The following PKHD1L1 variants were observed in gnomAD, a reference collection of about 807,000 sequenced individuals.
PKHD1L1 encodes fibrocystin-L.
Under a neutral mutation model 462.9 loss-of-function variants are expected in PKHD1L1, and 434 were observed. The observed-to-expected ratio is 0.94, with a 90% CI of 0.87 to 1.02. The LOEUF (loss-of-function observed/expected upper bound fraction) is 1.02. Among genes scored for constraint, PKHD1L1 ranks in the 50% least tolerant of loss-of-function variants. The probability of loss-of-function intolerance (pLI) is 0.00; values close to 1 mark genes in which losing one functional copy is unlikely to be tolerated. For missense variants in PKHD1L1, 5,202 were observed against 5,096.1 expected, an observed-to-expected ratio of 1.02 and a Z score of -0.63; for synonymous variants, 1,781 against 1,750.0, an observed-to-expected ratio of 1.02 and a Z score of -0.44.
chr8:109,513,293 T>C (rs1481777992), intron 71 of PKHD1L1, among the ~76,000 whole-genome samples: 1 of 152,174 alleles, frequency 6.6e-6, no homozygotes, highest in East Asian at 1.9e-4. Context: ...AAGGGAATGC[T>C]TCCAGTTTTT....
intron 59 of PKHD1L1, 68 bp downstream of exon 59, chr8:109,486,889 C>G (rs995706830): frequency 2.2e-6 from 3 of 1,382,438 alleles, no homozygotes; most frequent in East Asian, 2.5e-5. Flanking sequence ...GTAGTCAGCT[C>G]TTACATAATT....
intron 57 of PKHD1L1, among the ~76,000 whole-genome samples, chr8:109,484,523 C>A (rs528876514): frequency 5.3e-5 from 8 of 151,832 alleles, no homozygotes; most frequent in Non-Finnish European, 1.0e-4. Context: ...ATTGAATATT[C>A]CAGAGATGGT....
rs547689357 is a variant in PKHD1L1, at chr8:109,388,387, G to C, written c.570-110G>C. 4.0e-6 allele frequency: 3 copies of C among 746,200 alleles called. No homozygotes were observed. The African/African-American group carries it at 5.4e-5, about 13-fold the overall frequency. 46.2% of individuals were successfully genotyped at this position (746,200 alleles called of 1,614,324 possible). On this transcript the variant is annotated intron_variant, in intron 6 of 77. Transcript: ENST00000378402. ...ATGCATGAGTGAGGGATAATAATAAGTGATTGAGAAAAAAAATTTAAGGGA... is the reference window on the plus strand; with the variant it reads ...ATGCATGAGTGAGGGATAATAATAACTGATTGAGAAAAAAAATTTAAGGGA...
intron 2 of PKHD1L1, among the ~76,000 whole-genome samples, chr8:109,368,633 A>G (rs1811344201): frequency 6.6e-6 from 1 of 152,160 alleles, no homozygotes; most frequent in Non-Finnish European, 1.5e-5. Flanking sequence ...TACAACTTTT[A>G]AGTAGGTGAA....
chr8:109,456,537 G>A (rs1816837056), intron 46 of PKHD1L1, 146 bp downstream of exon 46: 3 of 744,592 alleles, frequency 4.0e-6, no homozygotes, highest in East Asian at 3.0e-5. Context: ...ATACAGATTT[G>A]CCAAGTGTTA....
chr8:109,457,316 G>T (rs953083435), intron 46 of PKHD1L1, among the ~76,000 whole-genome samples: 1 of 152,092 alleles, frequency 6.6e-6, no homozygotes, highest in African/African-American at 2.4e-5. Flanking sequence ...ATTTTGTTCT[G>T]CCCTTGGAAG....
intron 41 of PKHD1L1, 48 bp from the exon 42 acceptor site, chr8:109,452,076 A>G (rs1357368884): frequency 6.4e-7 from 1 of 1,551,430 alleles, no homozygotes; most frequent in East Asian, 2.4e-5. Flanking sequence ...AGTGTGATCT[A>G]GATATTTGAG....
rs770963653 is a variant in PKHD1L1 at position 109,534,226 on chromosome 8, G to C, written c.*4136G>C. Among the ~76,000 whole-genome samples the C allele has an allele frequency of 6.6e-6, 1 of 152,236 alleles. No individual in the cohort carries two copies. Among genetic ancestry groups the C allele is most frequent in the Non-Finnish European group, 1.5e-5 (1 of 68,032 alleles). On this transcript the variant is annotated 3_prime_UTR_variant, in exon 78 of 78. Coordinates refer to ENST00000378402, the MANE Select transcript of PKHD1L1 (RefSeq NM_177531.6). ...GCCTGTAATCCCAGCACTCTGGGAG[G>C]CCAAGGCAGGCGGATCACGAGGTCA...
chr8:109,536,538 C>T lies in PKHD1L1; in HGVS notation c.*6448C>T, dbSNP rs1344527849. On this transcript the variant is annotated 3_prime_UTR_variant, in exon 78 of 78. Coordinates refer to ENST00000378402, the MANE Select transcript of PKHD1L1 (RefSeq NM_177531.6). ...CCAGATGCTGTTCCCATCAACTCTACTTAATTCATAATATAGCTGAACTCT... is the reference window on the plus strand; with the variant it reads ...CCAGATGCTGTTCCCATCAACTCTATTTAATTCATAATATAGCTGAACTCT... 1.3e-5 allele frequency among the ~76,000 whole-genome samples: 2 copies of T among 152,342 alleles called. No homozygotes were observed. Among genetic ancestry groups the T allele is most frequent in the South Asian group, 2.1e-4 (1 of 4,832 alleles).
chr8:109,485,044 G>A lies in PKHD1L1; in HGVS notation c.9577G>A (p.Glu3193Lys). The A allele has an allele frequency of 6.3e-7, 1 of 1,576,734 alleles. No homozygotes were observed. The change falls in exon 58 of 78, where the codon GAG becomes AAG. Residue 3193 changes from glutamate (E) to lysine (K), a missense_variant and splice_region_variant. Coordinates refer to ENST00000378402, the MANE Select transcript of PKHD1L1 (RefSeq NM_177531.6). ...AATTTGGCACTTGAATTTTTCTAAG[G>A]AGGGAGAAGAGATTGTGATAACAAC... ...LSLMDAVDWQ[E>K]GEEIVITTTS...
At chr8:109,519,237 A>T (rs1336330053) in intron 73 of PKHD1L1, among the ~76,000 whole-genome samples, 11 of 151,940 alleles carry the variant, frequency 7.2e-5, no homozygotes, top group Admixed American at 4.6e-4. Flanking sequence ...TATCAGAGAT[A>T]AAAAAATAAG....
In PKHD1L1 at chr8:109,466,623, C is replaced by T. The variant is rs771463229; in HGVS notation, c.8459C>T (p.Pro2820Leu). 6.2e-6 allele frequency: 10 copies of T among 1,610,260 alleles called. No homozygotes were observed. The South Asian group carries it at 6.7e-5, about 11-fold the overall frequency. ...TVIPHSSLLDPSHCTQEAEWS... is the reference protein window; with the variant it reads ...TVIPHSSLLDLSHCTQEAEWS... ...ATTCCACACAGCTCATTGCTAGACC[C>T]TTCTCATTGTACTCAGGAAGCTGAG... The change falls in exon 50 of 78, where the codon CCT (proline) becomes CTT (leucine). Residue 2820 changes from proline (P) to leucine (L), a missense_variant. By Grantham distance (98) the Pro-to-Leu change is moderately conservative. Coordinates refer to ENST00000378402, the MANE Select transcript of PKHD1L1 (RefSeq NM_177531.6).
At position 109,390,514 on chromosome 8, in the gene PKHD1L1, A is replaced by G; in HGVS notation, c.740+20A>G. ...TGGAAGGTAGGCTATTTTGTAAATAATAACTTTTATAATTGATTCAACAGG... is the reference window on the plus strand; with the variant it reads ...TGGAAGGTAGGCTATTTTGTAAATAGTAACTTTTATAATTGATTCAACAGG... On this transcript the variant is annotated intron_variant, in intron 9 of 77. Transcript: ENST00000378402. The G allele has an allele frequency of 3.8e-6, 5 of 1,303,268 alleles. No individual in the cohort carries two copies. Among genetic ancestry groups the G allele is most frequent in the Non-Finnish European group, 5.3e-6 (5 of 947,746 alleles). The allele number at this position is 1,303,268 out of a possible 1,614,324, so 80.7% of individuals were successfully genotyped here.
chr8:109,363,173 A>G (rs1811065009), intron 1 of PKHD1L1, among the ~76,000 whole-genome samples: 1 of 152,162 alleles, frequency 6.6e-6, no homozygotes, highest in Non-Finnish European at 1.5e-5. Context: ...GACTGATAAG[A>G]TAAGAAATTG....
rs1189799633 is a variant in PKHD1L1 at position 109,439,060 on chromosome 8, A to G, written c.3924A>G (p.Val1308=). ...KLSPGKHDIY[V]EVRNWGFAST... ...CTCCTGGAAAACATGATATCTATGT[A>G]GAAGTCAGAAACTGGGGTTTTGCAT... The change falls in exon 32 of 78, where the codon GTA becomes GTG. Residue 1308 remains valine (V), a synonymous_variant. Coordinates refer to ENST00000378402, the MANE Select transcript of PKHD1L1 (RefSeq NM_177531.6). 1 of 1,613,144 alleles carries G rather than the reference A, an allele frequency of 6.2e-7. No individual in the cohort carries two copies. The highest frequency in any genetic ancestry group is 8.5e-7 in the Non-Finnish European group (1 of 1,179,576).
At chr8:109,369,042 C>T (rs113815420) in intron 2 of PKHD1L1, among the ~76,000 whole-genome samples, 22,417 of 151,754 alleles carry the variant, frequency 0.15, 2,140 homozygotes, top group South Asian at 0.27. Flanking sequence ...GGCAATGGCA[C>T]GATCTCGACT....
At chr8:109,443,184 C>A in intron 36 of PKHD1L1, 68 bp downstream of exon 36, 1 of 1,472,292 alleles carries the variant, frequency 6.8e-7, no homozygotes, top group Non-Finnish European at 9.4e-7. Context: ...TTTCTGGAGC[C>A]GGTAGCAGAT....
intron 62 of PKHD1L1, among the ~76,000 whole-genome samples, chr8:109,492,200 A>G (rs887904861): frequency 3.3e-5 from 5 of 151,504 alleles, no homozygotes. Flanking sequence ...CATTATTTCA[A>G]GTTCCAGTAC....
rs1230823273 is a variant in PKHD1L1, at chr8:109,493,822, A to G, written c.10327+71A>G. The G allele has an allele frequency of 9.7e-6, 10 of 1,031,378 alleles. No individual in the cohort carries two copies. The East Asian group carries it at 2.5e-4, about 25-fold the overall frequency. The allele number at this position is 1,031,378 out of a possible 1,614,324, so 63.9% of individuals were successfully genotyped here. On this transcript the variant is annotated intron_variant, in intron 63 of 77. Transcript: ENST00000378402. ...TACAAAATTGTTAAAATAAATAATT[A>G]TTGTTTGTTAATTCAATATGTGATG...
Sources: allele counts gnomAD v4.1 joint callset (sites outside exome capture counted in the v4.1 genomes callset), GRCh38; gene constraint gnomAD v4.1.1; transcripts MANE v1.5; gene names NCBI Gene and HGNC (gene_info 2026-07-23, HGNC 2026-07-21).